The following FAM107A variants were observed in gnomAD, a reference collection of about 807,000 sequenced individuals.
The protein encoded by FAM107A is actin-associated protein FAM107A.
Under a neutral mutation model 13.7 loss-of-function variants are expected in FAM107A, and 19 were observed. The observed-to-expected ratio is 1.38, with a 90% CI of 0.97 to 2.03. FAM107A has a LOEUF of 2.03. FAM107A is among the 30% of genes most tolerant of loss of function. The probability of loss-of-function intolerance (pLI) is 0.00; values close to 1 mark genes in which losing one functional copy is unlikely to be tolerated. For missense variants in FAM107A, 203 were observed against 184.4 expected, an observed-to-expected ratio of 1.10 and a Z score of -0.58; for synonymous variants, 82 against 74.5, an observed-to-expected ratio of 1.10 and a Z score of -0.52.
Position 58,566,873 on chromosome 3 carries a change from C to A in FAM107A, c.328-178G>T, listed in dbSNP as rs892471144. ...AGCATGAGACTGAGTTCTCCTTGTG[C>A]AGCCTGGTTCAAATCACTCACCCCC... On this transcript the variant is annotated intron_variant, in intron 3 of 3. Coordinates refer to ENST00000360997, the MANE Select transcript of FAM107A (RefSeq NM_001076778.3). 4.9e-6 allele frequency: 3 copies of A among 614,594 alleles called. No homozygotes were observed. In the South Asian group the frequency reaches 5.9e-5, roughly 12 times the overall value. The allele number at this position is 614,594 out of a possible 1,614,324, so 38.1% of individuals were successfully genotyped here. A position where few individuals can be genotyped will look rare whatever the true frequency, so the allele number is the denominator to read the frequency against.
upstream of FAM107A, among the ~76,000 whole-genome samples, chr3:58,581,774 G>A (rs1309815306): frequency 1.3e-5 from 2 of 152,234 alleles, no homozygotes; most frequent in Non-Finnish European, 2.9e-5. Flanking sequence ...GGGATTTCAA[G>A]CGTGAAAATG....
rs905897154 is a variant in FAM107A, at chr3:58,577,288, A to G, written c.-6+21T>C. The G allele has an allele frequency of 2.5e-5, 25 of 982,738 alleles. No individual in the cohort carries two copies. The African/African-American group carries it at 4.2e-4, about 17-fold the overall frequency. The allele number at this position is 982,738 out of a possible 1,614,324, so 60.9% of individuals were successfully genotyped here. A position where few individuals can be genotyped will look rare whatever the true frequency, so the allele number is the denominator to read the frequency against. ...GGCACCGCTCTCAACAGCAGATGAA[A>G]CAGAACAGAGATGGTCTTACTTCTC... On this transcript the variant is annotated intron_variant, in intron 1 of 3. Coordinates refer to ENST00000360997, the MANE Select transcript of FAM107A (RefSeq NM_001076778.3). This position sits in a 1 kb window ranked among gnomAD's most constrained non-coding sequence, Gnocchi z 4.9.
chr3:58,602,858 G>A (rs2065764097), intron 1 of FAM107A, among the ~76,000 whole-genome samples: 1 of 152,132 alleles, frequency 6.6e-6, no homozygotes, highest in Admixed American at 6.5e-5. Context: ...ACATGTTTGT[G>A]GGTATAGATA....
At chr3:58,578,090 T>TGGGAGATGACATGG (rs1041813471), upstream of FAM107A, among the ~76,000 whole-genome samples, 3 of 152,232 alleles carry the variant, frequency 2.0e-5, no homozygotes, top group Admixed American at 2.0e-4. Context: ...CCAGGGTGGT[T>TGGGAGATGACATGG]GGGAGATGAC....
At position 58,569,928 on chromosome 3, in the gene FAM107A, A is replaced by T; in HGVS notation, c.-5-63T>A. The T allele has an allele frequency of 6.5e-7, 1 of 1,527,318 alleles. No homozygotes were observed. The highest frequency in any genetic ancestry group is 1.2e-5 in the South Asian group (1 of 80,074). 94.6% of individuals were successfully genotyped at this position (1,527,318 alleles called of 1,614,324 possible). On this transcript the variant is annotated intron_variant, in intron 1 of 3. Transcript: ENST00000360997. The surrounding 1 kb of genome is among the most constrained non-coding windows in gnomAD (Gnocchi z 5.7). Reference sequence around the variant, plus strand: ...CTATAATCTCACCCTGCCCCATGGGACACAGTTGAAGGGCAAGGTTTTCAT... The same window carrying T: ...CTATAATCTCACCCTGCCCCATGGGTCACAGTTGAAGGGCAAGGTTTTCAT...
intron 1 of FAM107A, among the ~76,000 whole-genome samples, chr3:58,620,014 C>T (rs2065938490): frequency 6.6e-6 from 1 of 152,104 alleles, no homozygotes; most frequent in Non-Finnish European, 1.5e-5. Flanking sequence ...TGCATGGATC[C>T]TTCCATAAGG....
chr3:58,580,374 CT>C (rs1229505400), upstream of FAM107A, among the ~76,000 whole-genome samples: 90 of 110,568 alleles, frequency 8.1e-4, no homozygotes, highest in East Asian at 1.8e-3. Context: ...AATGCTCTTG[CT>C]TTTTTTTTTT....
At chr3:58,597,573 C>T (rs1164191741) in intron 1 of FAM107A, among the ~76,000 whole-genome samples, 1 of 152,222 alleles carries the variant, frequency 6.6e-6, no homozygotes, top group East Asian at 1.9e-4. Flanking sequence ...AGGGATGTGT[C>T]TGCAATGCCT....
intron 1 of FAM107A, among the ~76,000 whole-genome samples, chr3:58,598,980 C>T (rs1304158878): frequency 4.6e-5 from 7 of 151,850 alleles, no homozygotes; most frequent in East Asian, 1.9e-4. Context: ...TTGCTCTTGT[C>T]GCCCAGGCTG....
chr3:58,603,649 C>A (rs567553097), intron 1 of FAM107A, among the ~76,000 whole-genome samples: 1 of 152,136 alleles, frequency 6.6e-6, no homozygotes, highest in Non-Finnish European at 1.5e-5. Context: ...ACCTCCATAT[C>A]TGTTGGTCAT....
intron 1 of FAM107A, among the ~76,000 whole-genome samples, chr3:58,602,460 A>G (rs148974825): frequency 2.7e-4 from 41 of 152,332 alleles, no homozygotes; most frequent in African/African-American, 8.2e-4. Context: ...CTAAGAATTT[A>G]AGAAAATAAT....
chr3:58,586,875 G>T (rs769437507), exon 1 of FAM107A: 5 of 1,533,114 alleles, frequency 3.3e-6, no homozygotes, highest in Non-Finnish European at 4.4e-6. Flanking sequence ...GAGCAGCACA[G>T]CCCGGTAGAG....
At chr3:58,609,776 G>GA (rs759335761) in intron 1 of FAM107A, among the ~76,000 whole-genome samples, 1 of 152,216 alleles carries the variant, frequency 6.6e-6, no homozygotes, top group Non-Finnish European at 1.5e-5. Context: ...TCGGGGCCCA[G>GA]AATCCCCCCA....
chr3:58,619,083 C>T (rs1039080022), intron 1 of FAM107A, among the ~76,000 whole-genome samples: 3 of 152,146 alleles, frequency 2.0e-5, no homozygotes, highest in Admixed American at 6.5e-5. Flanking sequence ...TCACTGCAGC[C>T]TTGACCTCCT....
intron 1 of FAM107A, among the ~76,000 whole-genome samples, chr3:58,598,866 C>G (rs1424473657): frequency 6.6e-6 from 1 of 152,172 alleles, no homozygotes; most frequent in South Asian, 2.1e-4. Flanking sequence ...GTGTAAACCA[C>G]AGTGTGATGC....
intron 1 of FAM107A, among the ~76,000 whole-genome samples, chr3:58,600,999 G>A (rs1047203233): frequency 6.6e-6 from 1 of 152,130 alleles, no homozygotes. Context: ...CAGGTTCCTC[G>A]TGTATAAAAT....
At chr3:58,605,105 C>T (rs966545700) in intron 1 of FAM107A, among the ~76,000 whole-genome samples, 18 of 152,182 alleles carry the variant, frequency 1.2e-4, no homozygotes, top group Middle Eastern at 3.2e-3. Context: ...TGGTTTTAGG[C>T]TTTGTTATGC....
chr3:58,594,144 T>C (rs1197312907), intron 1 of FAM107A, among the ~76,000 whole-genome samples: 2 of 152,176 alleles, frequency 1.3e-5, no homozygotes, highest in African/African-American at 4.8e-5. Context: ...CCAAAACCAT[T>C]AGGGGCTTTT....
intron 1 of FAM107A, among the ~76,000 whole-genome samples, chr3:58,599,720 T>TTTTTTTTTC (rs2065737791): frequency 8.0e-6 from 1 of 125,602 alleles, no homozygotes; most frequent in Non-Finnish European, 1.7e-5. Flanking sequence ...TTTTTTTTTT[T>TTTTTTTTTC]TTTTTTTTTT....
Sources: gnomAD v4.1 joint callset for allele counts (sites outside exome capture counted in the v4.1 genomes callset) on GRCh38, gnomAD v4.1.1 for gene constraint, Gnocchi (gnomAD v3.1) non-coding constraint, MANE v1.5 for transcripts, NCBI Gene and HGNC (gene_info 2026-07-23, HGNC 2026-07-21) for gene names.